TYW1B: variants seen among roughly 807,000 people sequenced by gnomAD.
TYW1B encodes the protein tRNA-yW synthesizing protein 1 homolog B.
In TYW1B, 73 loss-of-function variants were observed where a neutral mutation model predicts 86.9. The ratio of observed to expected loss-of-function variants is 0.84; its 90% confidence interval spans 0.70 to 1.02. The LOEUF (loss-of-function observed/expected upper bound fraction) is 1.02, where lower values mean the gene tolerates loss of function less well. Ranked by LOEUF, TYW1B falls within the 50% of genes least tolerant of loss-of-function variation. The probability of loss-of-function intolerance (pLI) is 0.00; values close to 1 mark genes in which losing one functional copy is unlikely to be tolerated. For missense variants in TYW1B, 637 were observed against 827.4 expected, an observed-to-expected ratio of 0.77 and a Z score of 2.82; for synonymous variants, 248 against 292.8, an observed-to-expected ratio of 0.85 and a Z score of 1.56.
chr7:72,780,108 G>A (rs1788025926), intron 6 of TYW1B, among the ~76,000 whole-genome samples: 1 of 152,094 alleles, frequency 6.6e-6, no homozygotes, highest in Admixed American at 6.6e-5. Flanking sequence ...TTATTATTTT[G>A]TTAAGATAGT....
intron 12 of TYW1B, among the ~76,000 whole-genome samples, chr7:72,627,356 G>A (rs1812370171): frequency 6.6e-6 from 1 of 151,930 alleles, no homozygotes; most frequent in South Asian, 2.1e-4. Flanking sequence ...GCTGAGGGAG[G>A]AGAATCGCTT....
chr7:72,680,368 G>A (rs1813839887), intron 11 of TYW1B, among the ~76,000 whole-genome samples: 1 of 152,096 alleles, frequency 6.6e-6, no homozygotes. Flanking sequence ...GGAAAAACTA[G>A]ACTGGCTGAG....
At chr7:72,637,689 TTTAAA>T (rs1812704668) in intron 11 of TYW1B, among the ~76,000 whole-genome samples, 1 of 151,396 alleles carries the variant, frequency 6.6e-6, no homozygotes, top group Non-Finnish European at 1.5e-5. Context: ...CTCTTTTCTT[TTTAAA>T]AAAAAAAAAA....
chr7:72,629,298 A>C lies in TYW1B; in HGVS notation c.1507-301T>G, dbSNP rs573530540. On this transcript the variant is annotated intron_variant, in intron 11 of 13. Coordinates refer to ENST00000620995, the MANE Select transcript of TYW1B (RefSeq NM_001145440.3). ...ACAGACACACTGAATTACATTTAGT[A>C]AGGAATGATAAACTGACCAAACAGT... Among the ~76,000 whole-genome samples, 120 of 152,352 alleles carry C rather than the reference A, an allele frequency of 7.9e-4. 1 individual carries two copies. The highest frequency in any genetic ancestry group is 2.7e-3 in the African/African-American group (114 of 41,594).
intron 7 of TYW1B, among the ~76,000 whole-genome samples, chr7:72,756,985 A>G (rs1787601206): frequency 6.6e-6 from 1 of 152,132 alleles, no homozygotes; most frequent in South Asian, 2.1e-4. Flanking sequence ...AACAATAACA[A>G]ATGCTGACAA....
chr7:72,812,915 T>C (rs1788648141), intron 3 of TYW1B, among the ~76,000 whole-genome samples: 1 of 152,142 alleles, frequency 6.6e-6, no homozygotes, highest in Non-Finnish European at 1.5e-5. Context: ...TGCTCTCATA[T>C]GCCTGAGCTC....
At position 72,728,945 on chromosome 7, in the gene TYW1B, G is replaced by A. The variant is rs528626791; in HGVS notation, c.1083-14C>T. ...TTGTTGTGGTGCCTAGGAACAAGAC[G>A]CAAAGTTCTAAAAGACCCTTCTGTA... On this transcript the variant is annotated splice_polypyrimidine_tract_variant and intron_variant, in intron 8 of 13. Coordinates refer to ENST00000620995, the MANE Select transcript of TYW1B (RefSeq NM_001145440.3). 7.7e-5 allele frequency: 124 copies of A among 1,609,792 alleles called. No individual in the cohort carries two copies. The highest frequency in any genetic ancestry group is 6.8e-4 in the South Asian group (62 of 90,700).
intron 7 of TYW1B, among the ~76,000 whole-genome samples, chr7:72,757,867 T>C (rs1787619082): frequency 3.3e-5 from 5 of 152,228 alleles, no homozygotes; most frequent in Admixed American, 6.5e-5. Context: ...ACCCTTGTTA[T>C]TGATCTTTGT....
chr7:72,814,625 G>A (rs1788687496), intron 3 of TYW1B, among the ~76,000 whole-genome samples: 1 of 151,978 alleles, frequency 6.6e-6, no homozygotes, highest in Admixed American at 6.6e-5. Context: ...GCAGGGCATG[G>A]CAGCACATGC....
At chr7:72,821,951 A>C (rs1294202086) in intron 2 of TYW1B, among the ~76,000 whole-genome samples, 2 of 152,084 alleles carry the variant, frequency 1.3e-5, no homozygotes, top group Non-Finnish European at 2.9e-5. Context: ...TTAAGATTAG[A>C]AACAGAAATT....
intron 2 of TYW1B, among the ~76,000 whole-genome samples, chr7:72,822,162 CAAAAAAAAAA>C (rs782637112): frequency 1.1e-4 from 4 of 36,388 alleles, no homozygotes; most frequent in Non-Finnish European, 2.2e-4. Flanking sequence ...GACCCTGTCT[CAAAAAAAAAA>C]AAAAAAAAAA....
intron 11 of TYW1B, among the ~76,000 whole-genome samples, chr7:72,676,873 G>A (rs868914649): frequency 6.6e-5 from 10 of 152,138 alleles, no homozygotes; most frequent in Middle Eastern, 3.4e-3. Flanking sequence ...TGGGAGGATC[G>A]CTTGAACCCA....
chr7:72,718,385 T>C (rs1445049676), intron 9 of TYW1B, among the ~76,000 whole-genome samples: 1 of 152,196 alleles, frequency 6.6e-6, no homozygotes, highest in Non-Finnish European at 1.5e-5. Context: ...ATTTGAGTAA[T>C]GGGTATGCAA....
In TYW1B at chr7:72,575,309, A is replaced by C; in HGVS notation, c.*189T>G. On this transcript the variant is annotated 3_prime_UTR_variant, in exon 14 of 14. Coordinates refer to ENST00000620995, the MANE Select transcript of TYW1B (RefSeq NM_001145440.3). ...AAGGGGCTGAGTTCTGAAAAGAAAC[A>C]TCGGGGCTGTGGCCCAGGCCCTCTG... 2 of 1,423,626 alleles carry C rather than the reference A, an allele frequency of 1.4e-6. No individual in the cohort carries two copies. Among genetic ancestry groups the C allele is most frequent in the South Asian group, 3.2e-5 (2 of 62,182 alleles). 88.2% of individuals were successfully genotyped at this position (1,423,626 alleles called of 1,614,324 possible). A position where few individuals can be genotyped will look rare whatever the true frequency, so the allele number is the denominator to read the frequency against.
intron 7 of TYW1B, among the ~76,000 whole-genome samples, chr7:72,747,810 C>G (rs1787421661): frequency 6.6e-6 from 1 of 152,134 alleles, no homozygotes; most frequent in Admixed American, 6.6e-5. Context: ...CATGAACATG[C>G]TATGTCTATT....
At chr7:72,580,841 G>A (rs1811135554) in intron 13 of TYW1B, among the ~76,000 whole-genome samples, 1 of 147,774 alleles carries the variant, frequency 6.8e-6, no homozygotes, top group Non-Finnish European at 1.5e-5. Context: ...TACCAGGAGA[G>A]GAGAAAACAG....
intron 10 of TYW1B, among the ~76,000 whole-genome samples, chr7:72,709,490 ACC>A (rs749839745): frequency 1.1e-3 from 160 of 150,572 alleles, no homozygotes; most frequent in Middle Eastern, 3.4e-3. Context: ...ACACGGTGAA[ACC>A]CCTGTCTCTA....
intron 7 of TYW1B, among the ~76,000 whole-genome samples, chr7:72,775,376 A>T (rs2129572001): frequency 6.6e-6 from 1 of 152,328 alleles, no homozygotes; most frequent in Non-Finnish European, 1.5e-5. Context: ...TTATAATTAA[A>T]TTGCTCAAAA....
intron 13 of TYW1B, among the ~76,000 whole-genome samples, chr7:72,613,714 T>C (rs1263164878): frequency 1.3e-5 from 2 of 151,964 alleles, no homozygotes; most frequent in African/African-American, 4.8e-5. Flanking sequence ...GCCGGGCCCA[T>C]ATTTTCTTTA....
Sources: allele counts gnomAD v4.1 joint callset (sites outside exome capture counted in the v4.1 genomes callset), GRCh38; gene constraint gnomAD v4.1.1; transcripts MANE v1.5; gene names NCBI Gene and HGNC (gene_info 2026-07-23, HGNC 2026-07-21).